Variants in MAPK14 observed in about 807,000 individuals in gnomAD.
MAPK14 encodes the protein mitogen-activated protein kinase 14, also known as CSAID-binding protein.
MAPK14 carries 16 observed loss-of-function variants against 49.6 expected under a neutral mutation model. The observed-to-expected ratio is 0.32, with a 90% confidence interval of 0.22 to 0.49. The LOEUF (loss-of-function observed/expected upper bound fraction) is 0.49. MAPK14 is among the 20% of genes least tolerant of loss of function. The pLI is 0.99. For missense variants in MAPK14, 200 were observed against 441.2 expected (o/e 0.45, Z 4.90); for synonymous variants, 142 against 158.0 (o/e 0.90, Z 0.76).
intron 3 of MAPK14, among the ~76,000 whole-genome samples, chr6:36,066,893 A>T (rs146966493): frequency 6.6e-6 from 1 of 152,170 alleles, no homozygotes; most frequent in Admixed American, 6.6e-5. Flanking sequence ...TAGCTAATAA[A>T]CATGGTAGTT....
Position 36,028,328 on chromosome 6 carries a change from G to T in MAPK14, c.116+55G>T. 7.9e-7 allele frequency: 1 copy of T among 1,264,072 alleles called. No individual in the cohort carries two copies. Among genetic ancestry groups the T allele is most frequent in the Non-Finnish European group, 1.2e-6 (1 of 865,022 alleles). 78.3% of individuals were successfully genotyped at this position (1,264,072 alleles called of 1,614,324 possible). A position where few individuals can be genotyped will look rare whatever the true frequency, so the allele number is the denominator to read the frequency against. ...GGGCAGGGTGGCCCCTCGCGCCCGA[G>T]GGCCAGGCCTGCTCCACTGCTCAGC... On this transcript the variant is annotated intron_variant, in intron 1 of 11. Coordinates refer to ENST00000229794, the MANE Select transcript of MAPK14 (RefSeq NM_139012.3). This position sits in a 1 kb window ranked among gnomAD's most constrained non-coding sequence, Gnocchi z 5.1.
intron 4 of MAPK14, 60 bp from the exon 5 acceptor site, chr6:36,073,631 A>T (rs558539045): frequency 7.5e-7 from 1 of 1,333,064 alleles, no homozygotes; most frequent in South Asian, 1.2e-5. Context: ...TGCAGCAAAT[A>T]TGTTATATAA....
In MAPK14 at chr6:36,109,612, G is replaced by C. The variant is rs1203956000; in HGVS notation, c.*1165G>C. ...TGTGAAAATCATGAAAAGAGGAACA[G>C]GTGGATGTATAGCATTTTTATTCAT... On this transcript the variant is annotated 3_prime_UTR_variant, in exon 12 of 12. Coordinates refer to ENST00000229794, the MANE Select transcript of MAPK14 (RefSeq NM_139012.3). The C allele has an allele frequency of 6.6e-6, 1 of 152,650 alleles. No individual in the cohort carries two copies. Among genetic ancestry groups the C allele is most frequent in the East Asian group, 1.9e-4 (1 of 5,204 alleles). 9.5% of individuals were successfully genotyped at this position (152,650 alleles called of 1,614,324 possible). A position where few individuals can be genotyped will look rare whatever the true frequency, so the allele number is the denominator to read the frequency against.
intron 2 of MAPK14, among the ~76,000 whole-genome samples, chr6:36,055,330 A>G (rs1467516762): frequency 2.0e-5 from 3 of 152,204 alleles, no homozygotes; most frequent in Admixed American, 2.0e-4. Flanking sequence ...TAACCTTACC[A>G]TTGTAGACCA....
chr6:36,029,974 T>G (rs1165582996), intron 1 of MAPK14, among the ~76,000 whole-genome samples: 3 of 135,590 alleles, frequency 2.2e-5, no homozygotes, highest in Non-Finnish European at 4.8e-5. Context: ...TCTAGTTGAT[T>G]TGCTAATTTT....
At chr6:36,046,745 T>G (rs1303750221) in intron 1 of MAPK14, among the ~76,000 whole-genome samples, 3 of 152,332 alleles carry the variant, frequency 2.0e-5, no homozygotes, top group Non-Finnish European at 4.4e-5. Flanking sequence ...CTGAATAGAT[T>G]CAGGAGTCAA....
chr6:36,058,615 G>A (rs1011018445), intron 2 of MAPK14, among the ~76,000 whole-genome samples: 5 of 152,134 alleles, frequency 3.3e-5, no homozygotes, highest in Admixed American at 6.5e-5. Context: ...TGATTGAGAC[G>A]TGGCTGGCCG....
At chr6:36,069,203 A>G (rs1163705991) in intron 3 of MAPK14, among the ~76,000 whole-genome samples, 1 of 152,218 alleles carries the variant, frequency 6.6e-6, no homozygotes, top group East Asian at 1.9e-4. Context: ...CAAATACTAT[A>G]GAAATTATGT....
rs1762425016 is a variant in MAPK14 at position 36,028,924 on chromosome 6, C to T, written c.116+651C>T. On this transcript the variant is annotated intron_variant, in intron 1 of 11. Transcript: ENST00000229794. This position sits in a 1 kb window ranked among gnomAD's most constrained non-coding sequence, Gnocchi z 5.1. ...GACTTTATCTCGGTGAGCACTGTGCCAGCTTGAGTGGTGTGTTTCCGATTC... is the reference window on the plus strand; with the variant it reads ...GACTTTATCTCGGTGAGCACTGTGCTAGCTTGAGTGGTGTGTTTCCGATTC... Among the ~76,000 whole-genome samples, 1 of 151,628 alleles carries T rather than the reference C, an allele frequency of 6.6e-6. No individual in the cohort carries two copies. Among genetic ancestry groups the T allele is most frequent in the African/African-American group, 2.4e-5 (1 of 41,236 alleles).
intron 1 of MAPK14, among the ~76,000 whole-genome samples, chr6:36,035,055 C>A (rs1762688652): frequency 6.6e-6 from 1 of 152,000 alleles, no homozygotes; most frequent in Admixed American, 6.6e-5. Context: ...TGTGCCACCA[C>A]ACCTGGCTAA....
chr6:36,082,068 A>C (rs893419882), intron 8 of MAPK14, among the ~76,000 whole-genome samples: 2 of 152,118 alleles, frequency 1.3e-5, no homozygotes, highest in Non-Finnish European at 2.9e-5. Context: ...TTGATTGTTG[A>C]TCTTACACCC....
At chr6:36,106,884 G>A (rs1163598083) in intron 10 of MAPK14, among the ~76,000 whole-genome samples, 2 of 151,416 alleles carry the variant, frequency 1.3e-5, no homozygotes, top group Admixed American at 6.6e-5. Flanking sequence ...AATATTTGAT[G>A]TTAGTAAATA....
intron 1 of MAPK14, among the ~76,000 whole-genome samples, chr6:36,036,358 G>C (rs185729450): frequency 2.4e-4 from 37 of 152,070 alleles, no homozygotes; most frequent in African/African-American, 7.7e-4. Context: ...AGATGCTTAT[G>C]AACATTGTTG....
chr6:36,063,425 A>C (rs1763908322), intron 3 of MAPK14, among the ~76,000 whole-genome samples: 1 of 152,090 alleles, frequency 6.6e-6, no homozygotes, highest in Non-Finnish European at 1.5e-5. Context: ...CCTTCTCTAC[A>C]AAAAAATTTA....
At chr6:36,078,538 GCTAA>G (rs1764621357) in intron 8 of MAPK14, among the ~76,000 whole-genome samples, 1 of 152,158 alleles carries the variant, frequency 6.6e-6, no homozygotes, top group Non-Finnish European at 1.5e-5. Context: ...CCTTTTAAAT[GCTAA>G]CTTTCTGCCT....
At chr6:36,033,381 A>G (rs1762617663) in intron 1 of MAPK14, among the ~76,000 whole-genome samples, 1 of 151,808 alleles carries the variant, frequency 6.6e-6, no homozygotes, top group African/African-American at 2.4e-5. Context: ...CAGTGGTGCA[A>G]TCTCGGCTCA....
Position 36,044,851 on chromosome 6 carries a change from G to A in MAPK14, c.117-7848G>A, listed in dbSNP as rs111942376. Reference sequence around the variant, plus strand: ...CTCTTGGATTAAGTCTGTCAGAGAGGCCAGGTATGGTGGCTCATGCCTGTA... The same window carrying A: ...CTCTTGGATTAAGTCTGTCAGAGAGACCAGGTATGGTGGCTCATGCCTGTA... On this transcript the variant is annotated intron_variant, in intron 1 of 11. Coordinates refer to ENST00000229794, the MANE Select transcript of MAPK14 (RefSeq NM_139012.3). Among the ~76,000 whole-genome samples, 1,358 of 152,288 alleles carry A rather than the reference G, an allele frequency of 8.9e-3. 13 individuals carry two copies. The highest frequency in any genetic ancestry group is 0.013 in the Non-Finnish European group (891 of 68,014).
downstream of MAPK14, among the ~76,000 whole-genome samples, chr6:36,114,840 G>T (rs1398914972): frequency 6.6e-6 from 1 of 152,018 alleles, no homozygotes; most frequent in Non-Finnish European, 1.5e-5. Context: ...TTAAACTGGG[G>T]GTATGACTAC....
At chr6:36,037,630 T>TTGCCG (rs1278838621) in intron 1 of MAPK14, among the ~76,000 whole-genome samples, 4 of 152,072 alleles carry the variant, frequency 2.6e-5, no homozygotes, top group African/African-American at 7.2e-5. Context: ...CATGTATGGT[T>TTGCCG]TGCCGTAAGT....
Sources: allele counts gnomAD v4.1 joint callset (sites outside exome capture counted in the v4.1 genomes callset), GRCh38; gene constraint gnomAD v4.1.1; non-coding constraint Gnocchi (gnomAD v3.1); transcripts MANE v1.5; gene names NCBI Gene and HGNC (gene_info 2026-07-23, HGNC 2026-07-21).